DNAJC10: variants seen among roughly 807,000 people sequenced by gnomAD.
DNAJC10 encodes endoplasmic reticulum disulfide reductase DNAJC10.
In DNAJC10, 101 loss-of-function variants were observed where a neutral mutation model predicts 115.0. That is an observed-to-expected ratio of 0.88 (90% CI 0.75 to 1.04). The LOEUF (loss-of-function observed/expected upper bound fraction) is 1.04. Ranked by LOEUF, DNAJC10 falls within the 50% of genes least tolerant of loss-of-function variation. The pLI is 0.00. For synonymous variants in DNAJC10, 307 were observed against 301.5 expected (o/e 1.02, Z -0.19); for missense variants, 981 against 928.8 (o/e 1.06, Z -0.73).
chr2:182,764,891 T>C (rs999946721), intron 22 of DNAJC10, among the ~76,000 whole-genome samples: 6 of 152,140 alleles, frequency 3.9e-5, no homozygotes, highest in Non-Finnish European at 8.8e-5. Context: ...ATGATAGAAC[T>C]ATTGGAGGGA....
chr2:182,765,402 G>A (rs1162387804), intron 22 of DNAJC10, among the ~76,000 whole-genome samples: 1 of 151,964 alleles, frequency 6.6e-6, no homozygotes, highest in Non-Finnish European at 1.5e-5. Context: ...TTAAAAACGG[G>A]GATTTAAAAC....
intron 11 of DNAJC10, 136 bp downstream of exon 11, chr2:182,736,522 C>A: frequency 2.0e-6 from 1 of 497,846 alleles, no homozygotes; most frequent in Non-Finnish European, 3.2e-6. Flanking sequence ...ATTTAGAACA[C>A]ATACTTAATT....
At chr2:182,773,292 A>C (rs1455398754) in intron 22 of DNAJC10, among the ~76,000 whole-genome samples, 1 of 152,036 alleles carries the variant, frequency 6.6e-6, no homozygotes, top group Non-Finnish European at 1.5e-5. Context: ...ACCTTGGTGG[A>C]TCTGACAATT....
At chr2:182,776,753 A>G (rs567832345) in intron 23 of DNAJC10, among the ~76,000 whole-genome samples, 2 of 152,302 alleles carry the variant, frequency 1.3e-5, no homozygotes, top group South Asian at 4.1e-4. Flanking sequence ...GTTTCGCTAT[A>G]TTAGTTTTCT....
Position 182,781,459 on chromosome 2 carries a change from A to C in DNAJC10, c.*4327A>C, listed in dbSNP as rs1694844715. 6.6e-6 allele frequency: 1 copy of C among 152,164 alleles called. No homozygotes were observed. The highest frequency in any genetic ancestry group is 1.5e-5 in the Non-Finnish European group (1 of 68,034). The allele number at this position is 152,164 out of a possible 1,614,324, so 9.4% of individuals were successfully genotyped here. ...GTGTCTTTATAGTAAAATTATTTATAATCCTTTAGGTATATACCCAGTAAC... is the reference window on the plus strand; with the variant it reads ...GTGTCTTTATAGTAAAATTATTTATCATCCTTTAGGTATATACCCAGTAAC... On this transcript the variant is annotated 3_prime_UTR_variant, in exon 24 of 24. Coordinates refer to ENST00000264065, the MANE Select transcript of DNAJC10 (RefSeq NM_018981.4).
At chr2:182,731,496 A>G (rs1235352873) in intron 9 of DNAJC10, among the ~76,000 whole-genome samples, 1 of 152,112 alleles carries the variant, frequency 6.6e-6, no homozygotes, top group Admixed American at 6.5e-5. Flanking sequence ...TCTCTCAAAC[A>G]TACATAGATT....
chr2:182,749,719 A>G (rs1289725884), intron 14 of DNAJC10, among the ~76,000 whole-genome samples: 1 of 152,202 alleles, frequency 6.6e-6, no homozygotes, highest in Non-Finnish European at 1.5e-5. Context: ...AAGTGTTTGC[A>G]GTGGAGAGTA....
At chr2:182,759,595 A>C (rs552372323) in intron 21 of DNAJC10, among the ~76,000 whole-genome samples, 70 of 152,120 alleles carry the variant, frequency 4.6e-4, no homozygotes, top group Non-Finnish European at 8.7e-4. Context: ...TCCCCACCCC[A>C]GTACTCTGTT....
chr2:182,717,757 A>G (rs1274164203), intron 2 of DNAJC10, among the ~76,000 whole-genome samples, 184 bp from the exon 3 acceptor site: 1 of 152,198 alleles, frequency 6.6e-6, no homozygotes, highest in African/African-American at 2.4e-5. Flanking sequence ...TTTTTCTGCT[A>G]TCTTCAGTGA....
At position 182,728,783 on chromosome 2, in the gene DNAJC10, T is replaced by A. The variant is rs1043241241; in HGVS notation, c.502-80T>A. 1.9e-6 allele frequency: 3 copies of A among 1,540,586 alleles called. No homozygotes were observed. In the Admixed American group the frequency reaches 5.5e-5, roughly 28 times the overall value. ...TATCAAATACTTTAAATGTCTGGTT[T>A]AAAAATATATAGCTTGGAGTGTGTT... On this transcript the variant is annotated intron_variant, in intron 6 of 23. Coordinates refer to ENST00000264065, the MANE Select transcript of DNAJC10 (RefSeq NM_018981.4).
At chr2:182,728,706 T>C (rs1693355621) in intron 6 of DNAJC10, 48 bp downstream of exon 6, 2 of 1,529,122 alleles carry the variant, frequency 1.3e-6, no homozygotes, top group African/African-American at 1.4e-5. Context: ...CTAATTGATC[T>C]GCAATTTATA....
rs1449519220 is a variant in DNAJC10, at chr2:182,786,727, A to C, written c.*9595A>C. 1 of 152,220 alleles carries C rather than the reference A, an allele frequency of 6.6e-6. No homozygotes were observed. The highest frequency in any genetic ancestry group is 6.6e-5 in the Admixed American group (1 of 15,260). 9.4% of individuals were successfully genotyped at this position (152,220 alleles called of 1,614,324 possible). A position where few individuals can be genotyped will look rare whatever the true frequency, so the allele number is the denominator to read the frequency against. On this transcript the variant is annotated 3_prime_UTR_variant, in exon 24 of 24. Transcript: ENST00000264065. ...CCTCCCTCTCAACAGATTTCTCAGC[A>C]CACATCAGATTTCACACCGATCTAT...
chr2:182,742,152 C>G (rs1338254875), intron 13 of DNAJC10, among the ~76,000 whole-genome samples: 1 of 152,062 alleles, frequency 6.6e-6, no homozygotes, highest in African/African-American at 2.4e-5. Flanking sequence ...TTTTTTATAT[C>G]AAACGATGCA....
intron 19 of DNAJC10, among the ~76,000 whole-genome samples, chr2:182,758,207 A>T (rs1212825061): frequency 6.6e-6 from 1 of 152,106 alleles, no homozygotes; most frequent in Non-Finnish European, 1.5e-5. Flanking sequence ...TGATTCTCAG[A>T]CCTTAGAATC....
At chr2:182,773,577 T>C (rs1163080662) in intron 22 of DNAJC10, among the ~76,000 whole-genome samples, 2 of 152,220 alleles carry the variant, frequency 1.3e-5, no homozygotes, top group East Asian at 3.8e-4. Flanking sequence ...TTTCATTAAT[T>C]TGATCTTCAA....
At chr2:182,754,904 A>T (rs989549059) in intron 16 of DNAJC10, 99 bp from the exon 17 acceptor site, 69 of 1,285,192 alleles carry the variant, frequency 5.4e-5, no homozygotes, top group Middle Eastern at 3.9e-4. Context: ...ATGGGTTTTT[A>T]AAATCTTGTT....
In DNAJC10 at chr2:182,740,298, GT is replaced by G; in HGVS notation, c.990del (p.Leu331SerfsTer13). ...LNNKEKNSIL[F>X]LNSLDAKEIY... is the part of the protein sequence containing the mutation. Reference sequence around the variant, plus strand: ...ATTACAATGTGATTTTCTTTTTCTAGTTTCTCAACTCATTGGATGCTAAAGA... The same window carrying G: ...ATTACAATGTGATTTTCTTTTTCTAGTTCTCAACTCATTGGATGCTAAAGA... On this transcript the variant is annotated frameshift_variant and splice_region_variant, in exon 12 of 24. Transcript: ENST00000264065. LOFTEE classifies it high-confidence loss of function. 7.0e-7 allele frequency: 1 copy of G among 1,425,186 alleles called. No homozygotes were observed. Among genetic ancestry groups the G allele is most frequent in the Non-Finnish European group, 9.5e-7 (1 of 1,055,530 alleles). 88.3% of individuals were successfully genotyped at this position (1,425,186 alleles called of 1,614,324 possible). A position where few individuals can be genotyped will look rare whatever the true frequency, so the allele number is the denominator to read the frequency against.
intron 9 of DNAJC10, 136 bp from the exon 10 acceptor site, chr2:182,732,363 T>C: frequency 1.3e-6 from 1 of 781,348 alleles, no homozygotes. Flanking sequence ...TAGAAGGATT[T>C]CCATATCTAT....
At chr2:182,746,508 G>GT (rs1453873860) in intron 14 of DNAJC10, among the ~76,000 whole-genome samples, 2 of 151,978 alleles carry the variant, frequency 1.3e-5, no homozygotes, top group Non-Finnish European at 2.9e-5. Flanking sequence ...TTTTTCATTT[G>GT]TTTTTTGGCT....
Sources: allele counts gnomAD v4.1 joint callset (sites outside exome capture counted in the v4.1 genomes callset), GRCh38; gene constraint gnomAD v4.1.1; transcripts MANE v1.5; gene names NCBI Gene and HGNC (gene_info 2026-07-23, HGNC 2026-07-21).